SRGAP2C: variants seen among roughly 807,000 people sequenced by gnomAD.
The protein encoded by SRGAP2C is SLIT-ROBO Rho GTPase activating protein 2C, also known as SLIT-ROBO Rho GTPase-activating protein 2C.
In SRGAP2C, 15 loss-of-function variants were observed where a neutral mutation model predicts 25.1. The ratio of observed to expected loss-of-function variants is 0.60; its 90% CI spans 0.40 to 0.92. The LOEUF is 0.92. SRGAP2C is among the 40% of genes least tolerant of loss of function. SRGAP2C has a pLI of 0.00. For missense variants in SRGAP2C, 144 were observed against 264.4 expected (o/e 0.54, Z 3.16); for synonymous variants, 44 against 96.6 (o/e 0.46, Z 3.19).
intron 8 of SRGAP2C, among the ~76,000 whole-genome samples, chr1:121,385,132 T>C (rs1159867078): frequency 1.3e-5 from 2 of 149,348 alleles, no homozygotes; most frequent in Non-Finnish European, 3.0e-5. Flanking sequence ...AGGAGGGAGC[T>C]GCCTGGAAGT....
At chr1:121,329,702 A>G (rs1658393493) in intron 4 of SRGAP2C, among the ~76,000 whole-genome samples, 1 of 148,688 alleles carries the variant, frequency 6.7e-6, no homozygotes, top group Admixed American at 6.7e-5. Flanking sequence ...CCCTTAAGGG[A>G]GGCTCCTTGC....
chr1:121,321,222 T>TG (rs1658197356), intron 3 of SRGAP2C, among the ~76,000 whole-genome samples: 1 of 138,924 alleles, frequency 7.2e-6, no homozygotes, highest in Admixed American at 7.4e-5. Flanking sequence ...CTCATTTGAA[T>TG]GGATGTGTCA....
At chr1:121,366,685 C>T (rs1300793530) in intron 5 of SRGAP2C, among the ~76,000 whole-genome samples, 1 of 151,664 alleles carries the variant, frequency 6.6e-6, no homozygotes, top group Admixed American at 6.6e-5. Context: ...CCAAGAAGAG[C>T]TATTACTCCT....
intron 2 of SRGAP2C, among the ~76,000 whole-genome samples, chr1:121,272,212 T>A (rs1221476773): frequency 1.6e-5 from 2 of 122,474 alleles, no homozygotes; most frequent in Non-Finnish European, 3.4e-5. Context: ...TACAGTATAA[T>A]GTACCAGGAA....
At chr1:121,285,478 C>T (rs1262570626) in intron 3 of SRGAP2C, among the ~76,000 whole-genome samples, 1 of 149,376 alleles carries the variant, frequency 6.7e-6, no homozygotes, top group East Asian at 2.0e-4. Flanking sequence ...GCTGCAGGGT[C>T]TATATTTTTA....
At chr1:121,258,609 GC>G (rs1553332922) in intron 2 of SRGAP2C, among the ~76,000 whole-genome samples, 1 of 150,736 alleles carries the variant, frequency 6.6e-6, no homozygotes, top group Non-Finnish European at 1.5e-5. Flanking sequence ...GGGATTACAG[GC>G]ATGTGCCACC....
chr1:121,370,374 C>CCT (rs1216225241), intron 5 of SRGAP2C, among the ~76,000 whole-genome samples: 2 of 145,998 alleles, frequency 1.4e-5, no homozygotes, highest in Non-Finnish European at 3.0e-5. Context: ...ACAGAATAAA[C>CCT]CTCTCATCTA....
At chr1:121,279,047 G>A (rs1657177612) in intron 2 of SRGAP2C, among the ~76,000 whole-genome samples, 1 of 152,036 alleles carries the variant, frequency 6.6e-6, no homozygotes, top group African/African-American at 2.4e-5. Flanking sequence ...GGCAGATTGG[G>A]TGGAAAAAGA....
chr1:121,222,570 G>A (rs200176454), intron 2 of SRGAP2C, among the ~76,000 whole-genome samples: 19 of 152,214 alleles, frequency 1.2e-4, no homozygotes, highest in East Asian at 5.8e-4. Context: ...TCGAGGCTAC[G>A]GTGCTGTAAT....
intron 2 of SRGAP2C, among the ~76,000 whole-genome samples, chr1:121,233,142 GTTCTTTTTTTTTTT>G (rs1553327836): frequency 7.3e-6 from 1 of 136,508 alleles, no homozygotes; most frequent in African/African-American, 2.8e-5. Context: ...CTCCCCCTTG[GTTCTTTTTTTTTTT>G]TTTTTTTTGA....
intron 2 of SRGAP2C, among the ~76,000 whole-genome samples, chr1:121,271,564 T>G (rs1175351713): frequency 1.3e-5 from 2 of 151,110 alleles, no homozygotes; most frequent in East Asian, 3.9e-4. Flanking sequence ...AGTTCTGCCT[T>G]TGGTGGCCAT....
chr1:121,263,434 A>AT (rs1196912866), intron 2 of SRGAP2C, among the ~76,000 whole-genome samples: 10 of 150,432 alleles, frequency 6.6e-5, no homozygotes, highest in Non-Finnish European at 1.5e-4. Context: ...CCGTCTCAAA[A>AT]AAAAAAAAAA....
At chr1:121,291,040 G>A (rs1337211574) in intron 3 of SRGAP2C, among the ~76,000 whole-genome samples, 1 of 132,742 alleles carries the variant, frequency 7.5e-6, no homozygotes, top group Admixed American at 7.9e-5. Context: ...GTTCTTAGGT[G>A]GGGAGAGAGA....
chr1:121,276,974 TCTGC>T (rs1657122093), intron 2 of SRGAP2C, among the ~76,000 whole-genome samples: 2 of 79,392 alleles, frequency 2.5e-5, no homozygotes, highest in Non-Finnish European at 5.1e-5. Context: ...GACCTCATGA[TCTGC>T]CTGCCTCGGC....
intron 2 of SRGAP2C, among the ~76,000 whole-genome samples, chr1:121,223,367 G>GTGTA (rs1218856322): frequency 2.9e-5 from 3 of 104,042 alleles, no homozygotes; most frequent in Non-Finnish European, 5.9e-5. Context: ...GTGTGTGTGT[G>GTGTA]TGTGTGTGTG....
chr1:121,313,922 A>G lies in SRGAP2C; in HGVS notation c.261-10556A>G, dbSNP rs1164715127. Among the ~76,000 whole-genome samples the G allele has an allele frequency of 1.1e-4, 15 of 141,844 alleles. No homozygotes were observed. In the East Asian group the frequency reaches 2.9e-3, roughly 28 times the overall value. The allele number at this position is 141,844 out of a possible 152,430, so 93.1% of individuals were successfully genotyped here. ...ATGTGTCTTCGAGTTGCTCTTCTTC[A>G]GGAGTATCTTTGTGGCATTCTCTGT... On this transcript the variant is annotated intron_variant, in intron 3 of 9. Transcript: ENST00000367123.
intron 4 of SRGAP2C, among the ~76,000 whole-genome samples, chr1:121,346,989 A>T (rs1287949528): frequency 2.1e-4 from 32 of 152,058 alleles, no homozygotes; most frequent in African/African-American, 7.5e-4. Flanking sequence ...CCACAAATCA[A>T]CTCAGGGCCG....
intron 2 of SRGAP2C, among the ~76,000 whole-genome samples, chr1:121,257,326 G>A (rs1426567045): frequency 4.0e-5 from 6 of 150,256 alleles, no homozygotes; most frequent in Non-Finnish European, 8.9e-5. Context: ...ACATTTGCCA[G>A]GATGGTCTCG....
At chr1:121,201,586 C>T (rs587717893) in intron 2 of SRGAP2C, among the ~76,000 whole-genome samples, 56 of 152,380 alleles carry the variant, frequency 3.7e-4, no homozygotes, top group African/African-American at 1.1e-3. Flanking sequence ...TAGGCATGCG[C>T]GTGTGCGCGC....
Sources: allele counts gnomAD v4.1 joint callset (sites outside exome capture counted in the v4.1 genomes callset), GRCh38; gene constraint gnomAD v4.1.1; transcripts MANE v1.5; gene names NCBI Gene and HGNC (gene_info 2026-07-23, HGNC 2026-07-21).